VTI1A: variants seen among roughly 807,000 people sequenced by gnomAD.
The protein encoded by VTI1A is vesicle transport through interaction with t-SNAREs 1A.
VTI1A carries 22 observed loss-of-function variants against 34.9 expected under a neutral mutation model. That is an observed-to-expected ratio of 0.63 (90% confidence interval 0.45 to 0.90). The LOEUF (loss-of-function observed/expected upper bound fraction) is 0.90. Ranked by LOEUF, VTI1A falls within the 40% of genes least tolerant of loss-of-function variation. VTI1A has a pLI of 0.00. For missense variants in VTI1A, 268 were observed against 275.6 expected (o/e 0.97, Z 0.20); for synonymous variants, 87 against 97.3 (o/e 0.89, Z 0.62).
intron 1 of VTI1A, chr10:112,449,796 T>G (rs1010275945): frequency 2.0e-5 from 3 of 152,170 alleles, no homozygotes; most frequent in Non-Finnish European, 4.4e-5. Flanking sequence ...TCCTTAGCTG[T>G]AGTATTATAT....
At chr10:112,759,423 G>C (rs1851384020) in intron 7 of VTI1A, among the ~76,000 whole-genome samples, 1 of 152,128 alleles carries the variant, frequency 6.6e-6, no homozygotes, top group Non-Finnish European at 1.5e-5. Flanking sequence ...ATCATGTTTT[G>C]AGCTGCTAAT....
Position 112,454,832 on chromosome 10 carries a change from T to G in VTI1A, c.95-5692T>G, listed in dbSNP as rs370930402. The stretch of plus-strand genomic sequence containing the variant: ...ACCCACCCCATTAGAGTTCCAACTC[T>G]GCTATTTATTAGTTGTTGAACTTTC... On this transcript the variant is annotated intron_variant, in intron 1 of 7. Transcript: ENST00000393077. 1.8e-4 allele frequency among the ~76,000 whole-genome samples: 28 copies of G among 152,204 alleles called. No individual in the cohort carries two copies. In the South Asian group the frequency reaches 5.0e-3, roughly 27 times the overall value.
rs564224162 is a variant in VTI1A, at chr10:112,484,089, T to C, written c.264+19432T>C. On this transcript the variant is annotated intron_variant, in intron 3 of 7. Coordinates refer to ENST00000393077, the MANE Select transcript of VTI1A (RefSeq NM_145206.4). Reference sequence around the variant, plus strand: ...ATAACCAACCTACACTTATTTCAAATAGGCTATAAACCAAGAGAGGCAGTG... The same window carrying C: ...ATAACCAACCTACACTTATTTCAAACAGGCTATAAACCAAGAGAGGCAGTG... Among the ~76,000 whole-genome samples, 4 of 152,352 alleles carry C rather than the reference T, an allele frequency of 2.6e-5. No individual in the cohort carries two copies. The East Asian group carries it at 5.8e-4, about 22-fold the overall frequency.
intron 7 of VTI1A, among the ~76,000 whole-genome samples, chr10:112,759,501 A>G (rs1390370877): frequency 6.6e-6 from 1 of 152,190 alleles, no homozygotes; most frequent in Non-Finnish European, 1.5e-5. Context: ...TACCGAACCA[A>G]CGTTTAGCGA....
At chr10:112,808,807 G>A (rs924330351) in intron 7 of VTI1A, among the ~76,000 whole-genome samples, 1 of 151,980 alleles carries the variant, frequency 6.6e-6, no homozygotes, top group Non-Finnish European at 1.5e-5. Context: ...TTTATCTCTC[G>A]GCTCTGCATT....
intron 1 of VTI1A, among the ~76,000 whole-genome samples, chr10:112,459,373 G>C (rs897848696): frequency 6.6e-6 from 1 of 152,168 alleles, no homozygotes; most frequent in Non-Finnish European, 1.5e-5. Context: ...GTTACCAGGA[G>C]AAAGGAAAAG....
At chr10:112,490,042 A>C (rs1188580155) in intron 3 of VTI1A, among the ~76,000 whole-genome samples, 1 of 152,040 alleles carries the variant, frequency 6.6e-6, no homozygotes. Flanking sequence ...TATTAAACTT[A>C]CCTGATATAT....
intron 7 of VTI1A, among the ~76,000 whole-genome samples, chr10:112,742,566 G>T (rs1009827529): frequency 1.4e-4 from 22 of 152,212 alleles, no homozygotes; most frequent in Non-Finnish European, 3.2e-4. Context: ...TCTCGAAAGA[G>T]TCCAGGAGTG....
chr10:112,624,870 G>A (rs1055009438), intron 5 of VTI1A, among the ~76,000 whole-genome samples: 9 of 152,138 alleles, frequency 5.9e-5, no homozygotes, highest in African/African-American at 2.2e-4. Flanking sequence ...GTCAAGACAG[G>A]AGAATCACTT....
chr10:112,579,315 C>T (rs1843830980), intron 5 of VTI1A, among the ~76,000 whole-genome samples: 2 of 152,128 alleles, frequency 1.3e-5, no homozygotes. Flanking sequence ...TCAAAAAGAG[C>T]TCATTGAATA....
downstream of VTI1A, among the ~76,000 whole-genome samples, chr10:112,819,252 T>TC (rs143661982): frequency 0.029 from 4,436 of 152,288 alleles, 99 homozygotes; most frequent in Middle Eastern, 0.048. Flanking sequence ...GATTTCCTCA[T>TC]CCCTTTGGTT....
chr10:112,669,006 C>A lies in VTI1A; in HGVS notation c.560+8C>A. ...GACAGGGATGTTGCGAAGGTAAGAG[C>A]AAGGTAGGGACATATCTTTCTCTCT... On this transcript the variant is annotated splice_region_variant and intron_variant, in intron 7 of 7. Coordinates refer to ENST00000393077, the MANE Select transcript of VTI1A (RefSeq NM_145206.4). The A allele has an allele frequency of 6.2e-7, 1 of 1,611,792 alleles. No individual in the cohort carries two copies. The highest frequency in any genetic ancestry group is 8.5e-7 in the Non-Finnish European group (1 of 1,178,334).
intron 5 of VTI1A, among the ~76,000 whole-genome samples, chr10:112,664,433 T>C (rs1016929529): frequency 9.2e-5 from 14 of 152,210 alleles, no homozygotes; most frequent in Admixed American, 5.9e-4. Context: ...GTTAGACTTA[T>C]ACTGTTGTTC....
At chr10:112,768,668 T>C (rs1851714994) in intron 7 of VTI1A, among the ~76,000 whole-genome samples, 1 of 152,190 alleles carries the variant, frequency 6.6e-6, no homozygotes, top group South Asian at 2.1e-4. Flanking sequence ...CAGTTCATGA[T>C]CCCAGGTTGA....
At chr10:112,822,229 C>G (rs928297288), downstream of VTI1A, among the ~76,000 whole-genome samples, 21 of 152,230 alleles carry the variant, frequency 1.4e-4, no homozygotes, top group African/African-American at 5.1e-4. Flanking sequence ...TGCCTTCAGC[C>G]TTGCCTTAAA....
At chr10:112,476,197 T>G (rs575654628) in intron 3 of VTI1A, among the ~76,000 whole-genome samples, 45 of 152,322 alleles carry the variant, frequency 3.0e-4, no homozygotes, top group African/African-American at 9.6e-4. Context: ...TTAAATTGTT[T>G]GCTCATAAAT....
chr10:112,602,063 C>T (rs556625057), intron 5 of VTI1A, among the ~76,000 whole-genome samples: 2 of 152,186 alleles, frequency 1.3e-5, no homozygotes, highest in Non-Finnish European at 2.9e-5. Context: ...ATTAGTTCCT[C>T]ACATGACAGT....
In VTI1A at chr10:112,548,659, G is replaced by C. The variant is rs1341293888; in HGVS notation, c.427+10329G>C. On this transcript the variant is annotated intron_variant, in intron 5 of 7. Transcript: ENST00000393077. ...CCTTCTGAGCTTTCTGGGAAGACTT[G>C]GTGACTTTGCCAGCTCCAGCAGCCT... 8.8e-6 allele frequency: 10 copies of C among 1,130,424 alleles called. No homozygotes were observed. The African/African-American group carries it at 1.2e-4, about 14-fold the overall frequency. 70.0% of individuals were successfully genotyped at this position (1,130,424 alleles called of 1,614,324 possible).
At chr10:112,780,273 A>AAAATAAAT (rs143844379) in intron 7 of VTI1A, among the ~76,000 whole-genome samples, 6,193 of 138,214 alleles carry the variant, frequency 0.045, 189 homozygotes, top group Middle Eastern at 0.051. Context: ...CCTGTCTCTA[A>AAAATAAAT]AAATAAATAA....
Sources: allele counts gnomAD v4.1 joint callset (sites outside exome capture counted in the v4.1 genomes callset), GRCh38; gene constraint gnomAD v4.1.1; transcripts MANE v1.5; gene names NCBI Gene and HGNC (gene_info 2026-07-23, HGNC 2026-07-21).